POPDC3: variants seen among roughly 807,000 people sequenced by gnomAD.
The protein encoded by POPDC3 is popeye domain cAMP effector 3.
POPDC3 carries 20 observed loss-of-function variants against 28.2 expected under a neutral mutation model. The observed-to-expected ratio is 0.71, with a 90% CI of 0.50 to 1.03. The LOEUF is 1.03. Among genes scored for constraint, POPDC3 ranks in the 50% least tolerant of loss-of-function variants. The pLI, the probability that POPDC3 is intolerant of heterozygous loss-of-function variation, is 0.00. For missense variants in POPDC3, 316 were observed against 345.9 expected, an observed-to-expected ratio of 0.91 and a Z score of 0.69; for synonymous variants, 118 against 124.1, an observed-to-expected ratio of 0.95 and a Z score of 0.33.
chr6:105,173,786 C>T (rs1026102272), intron 1 of POPDC3, among the ~76,000 whole-genome samples: 52 of 150,976 alleles, frequency 3.4e-4, no homozygotes, highest in Non-Finnish European at 2.1e-4. Flanking sequence ...AAAGATGAGA[C>T]AGTGTGAGAA....
At chr6:105,163,072 T>C (rs1326415775) in intron 1 of POPDC3, among the ~76,000 whole-genome samples, 4 of 152,170 alleles carry the variant, frequency 2.6e-5, no homozygotes, top group African/African-American at 7.2e-5. Flanking sequence ...GGAACCCTAC[T>C]ATATCAATAA....
At chr6:105,160,501 ACCGCGCCTGG>A (rs762647744) in intron 2 of POPDC3, among the ~76,000 whole-genome samples, 12 of 151,982 alleles carry the variant, frequency 7.9e-5, no homozygotes, top group Non-Finnish European at 1.6e-4. Flanking sequence ...GGCGTGAGCC[ACCGCGCCTGG>A]CCTGTAAGCC....
chr6:105,169,503 TTCAAA>T (rs568737107), intron 1 of POPDC3: 176 of 152,356 alleles, frequency 1.2e-3, no homozygotes, highest in African/African-American at 3.8e-3. Flanking sequence ...ATGGTTGACC[TTCAAA>T]TCAGTCAGTT....
chr6:105,166,860 A>G (rs1312783845), intron 1 of POPDC3, among the ~76,000 whole-genome samples: 1 of 101,856 alleles, frequency 9.8e-6, no homozygotes, highest in African/African-American at 3.2e-5. Flanking sequence ...AAAAATGAAC[A>G]TAGATGGTTG....
chr6:105,159,845 A>G, intron 2 of POPDC3, 26 bp from the exon 3 acceptor site: 1 of 1,487,900 alleles, frequency 6.7e-7, no homozygotes, highest in South Asian at 1.1e-5. Flanking sequence ...AACAACATTT[A>G]TAAGGGAAGG....
chr6:105,168,821 GAACT>G, intron 1 of POPDC3: 2 of 152,366 alleles, frequency 1.3e-5, no homozygotes, highest in Admixed American at 1.3e-4. Context: ...ATCCATATGT[GAACT>G]GCCTGTGGGG....
chr6:105,174,155 C>T (rs1388650503), intron 1 of POPDC3, among the ~76,000 whole-genome samples: 2 of 152,186 alleles, frequency 1.3e-5, no homozygotes, highest in Non-Finnish European at 2.9e-5. Flanking sequence ...GATTATCCTG[C>T]CTCACCCTCG....
chr6:105,163,699 T>TG (rs1393814131), intron 1 of POPDC3: 3 of 152,136 alleles, frequency 2.0e-5, no homozygotes, highest in Non-Finnish European at 2.9e-5. Context: ...GAGCTGTTGT[T>TG]GAAGTTCCTG....
At position 105,166,719 on chromosome 6, in the gene POPDC3, A is replaced by G. The variant is rs1205073290; in HGVS notation, c.-251-4559T>C. 4 of 466,838 alleles carry G rather than the reference A, an allele frequency of 8.6e-6. No homozygotes were observed. In the East Asian group the frequency reaches 2.8e-4, roughly 33 times the overall value. 28.9% of individuals were successfully genotyped at this position (466,838 alleles called of 1,614,324 possible). A position where few individuals can be genotyped will look rare whatever the true frequency, so the allele number is the denominator to read the frequency against. ...GTGCACCTTGTAAGCTGAGTTTTTA[A>G]TGGCCTTTATTATCTGTCTACATAG... On this transcript the variant is annotated intron_variant, in intron 1 of 3. Transcript: ENST00000254765.
intron 2 of POPDC3, 27 bp from the exon 3 acceptor site, chr6:105,159,846 T>C (rs371981399): frequency 1.3e-6 from 2 of 1,496,032 alleles, no homozygotes; most frequent in Non-Finnish European, 1.9e-6. Context: ...ACAACATTTA[T>C]AAGGGAAGGA....
Position 105,177,262 on chromosome 6 carries a change from A to C in POPDC3, c.-252+2571T>G, listed in dbSNP as rs1173947282. ...TATATTTAAATATTCACTAATTAAAAAATACAATGTAAAATGAAACAGACA... is the reference window on the plus strand; with the variant it reads ...TATATTTAAATATTCACTAATTAAACAATACAATGTAAAATGAAACAGACA... On this transcript the variant is annotated intron_variant, in intron 1 of 3. Coordinates refer to ENST00000254765, the MANE Select transcript of POPDC3 (RefSeq NM_022361.5). 2.0e-5 allele frequency among the ~76,000 whole-genome samples: 3 copies of C among 152,214 alleles called. No individual in the cohort carries two copies. The East Asian group carries it at 5.8e-4, about 29-fold the overall frequency.
chr6:105,164,655 C>G (rs747880167), intron 1 of POPDC3, among the ~76,000 whole-genome samples: 9 of 152,236 alleles, frequency 5.9e-5, no homozygotes, highest in Non-Finnish European at 8.8e-5. Context: ...GATTCATCAA[C>G]CAGCTGTCTG....
chr6:105,170,704 T>C (rs568907473), intron 1 of POPDC3, among the ~76,000 whole-genome samples: 1 of 152,320 alleles, frequency 6.6e-6, no homozygotes, highest in Non-Finnish European at 1.5e-5. Context: ...AAACAGTCAC[T>C]GCACTATACT....
At chr6:105,162,182 A>G (rs1774350926) in intron 1 of POPDC3, 22 bp from the exon 2 acceptor site, 2 of 1,191,050 alleles carry the variant, frequency 1.7e-6, no homozygotes, top group East Asian at 7.6e-5. Context: ...AAAAAAAGAT[A>G]AAGGATCTAA....
chr6:105,174,475 C>T (rs1774645106), intron 1 of POPDC3, among the ~76,000 whole-genome samples: 1 of 152,288 alleles, frequency 6.6e-6, no homozygotes. Flanking sequence ...CATTCAAGTA[C>T]AGATGCTCCC....
chr6:105,162,460 G>A (rs569381694), intron 1 of POPDC3, among the ~76,000 whole-genome samples: 1 of 152,212 alleles, frequency 6.6e-6, no homozygotes, highest in Non-Finnish European at 1.5e-5. Flanking sequence ...GGCCGGGCGA[G>A]GTGGCGTGTG....
Position 105,162,094 on chromosome 6 carries a change from A to G in POPDC3, c.-185T>C, listed in dbSNP as rs1170373472. On this transcript the variant is annotated 5_prime_UTR_variant, in exon 2 of 4. The change abolishes an upstream ATG in the 5' untranslated region. Transcript: ENST00000254765. The stretch of plus-strand genomic sequence containing the variant: ...CGGATCTTGAAAAACTAAGAATCCC[A>G]TGCTCGCTTCTTTAAGTTCATCTGG... The G allele has an allele frequency of 4.5e-6, 6 of 1,327,752 alleles. No individual in the cohort carries two copies. The highest frequency in any genetic ancestry group is 3.0e-5 in the African/African-American group (2 of 66,634). 82.2% of individuals were successfully genotyped at this position (1,327,752 alleles called of 1,614,324 possible).
intron 1 of POPDC3, among the ~76,000 whole-genome samples, chr6:105,162,618 G>A (rs1211753651): frequency 6.6e-6 from 1 of 152,198 alleles, no homozygotes; most frequent in Non-Finnish European, 1.5e-5. Context: ...TGGGATCCCA[G>A]CTACTCAGGA....
rs1774348930 is a variant in POPDC3, at chr6:105,162,074, C to G, written c.-165G>C. Reference sequence around the variant, plus strand: ...GATTAAAGGCTTCGTGTGTACGGATCTTGAAAAACTAAGAATCCCATGCTC... The same window carrying G: ...GATTAAAGGCTTCGTGTGTACGGATGTTGAAAAACTAAGAATCCCATGCTC... On this transcript the variant is annotated 5_prime_UTR_variant, in exon 2 of 4. Transcript: ENST00000254765. 2.2e-6 allele frequency: 3 copies of G among 1,369,950 alleles called. No individual in the cohort carries two copies. Among genetic ancestry groups the G allele is most frequent in the Non-Finnish European group, 2.8e-6 (3 of 1,067,812 alleles). The allele number at this position is 1,369,950 out of a possible 1,614,324, so 84.9% of individuals were successfully genotyped here.
Sources: gnomAD v4.1 joint callset for allele counts (sites outside exome capture counted in the v4.1 genomes callset) on GRCh38, gnomAD v4.1.1 for gene constraint, MANE v1.5 for transcripts, NCBI Gene and HGNC (gene_info 2026-07-23, HGNC 2026-07-21) for gene names.